The following PARP8 variants were observed in gnomAD, a reference collection of about 807,000 sequenced individuals.
PARP8 encodes protein mono-ADP-ribosyltransferase PARP8.
In PARP8, 51 loss-of-function variants were observed where a neutral mutation model predicts 124.1. The ratio of observed to expected loss-of-function variants is 0.41; its 90% CI spans 0.33 to 0.52. The LOEUF (loss-of-function observed/expected upper bound fraction) is 0.52, where lower values mean the gene tolerates loss of function less well. Ranked by LOEUF, PARP8 falls within the 20% of genes least tolerant of loss-of-function variation. PARP8 has a pLI of 0.21. For synonymous variants in PARP8, 391 were observed against 361.5 expected (o/e 1.08, Z -0.93); for missense variants, 860 against 1,018.9 (o/e 0.84, Z 2.12).
intron 2 of PARP8, among the ~76,000 whole-genome samples, chr5:50,683,123 T>G (rs10940472): frequency 0.85 from 128,680 of 152,058 alleles, 54,816 homozygotes; most frequent in East Asian, 0.96. Flanking sequence ...GTTCCCATGG[T>G]TAATGCAGCA....
chr5:50,742,875 A>G (rs1292713595), intron 2 of PARP8, among the ~76,000 whole-genome samples: 2 of 152,220 alleles, frequency 1.3e-5, no homozygotes, highest in African/African-American at 2.4e-5. Context: ...TAGGCGCTGC[A>G]CATTGAAGGA....
chr5:50,779,633 G>A (rs1302548110), intron 9 of PARP8, among the ~76,000 whole-genome samples: 1 of 152,164 alleles, frequency 6.6e-6, no homozygotes, highest in Admixed American at 6.5e-5. Flanking sequence ...GTCTTTCATT[G>A]TATTCTGTTG....
chr5:50,825,483 G>A (rs1746240618), intron 18 of PARP8, among the ~76,000 whole-genome samples: 1 of 152,166 alleles, frequency 6.6e-6, no homozygotes, highest in South Asian at 2.1e-4. Flanking sequence ...TGAGCCTGGT[G>A]AGGGATGTAG....
At chr5:50,673,380 T>C (rs1167620464) in intron 2 of PARP8, among the ~76,000 whole-genome samples, 1 of 152,224 alleles carries the variant, frequency 6.6e-6, no homozygotes, top group Non-Finnish European at 1.5e-5. Context: ...AAATTTAAAC[T>C]CCATTTTCTT....
At chr5:50,731,763 G>A (rs1343027395) in intron 2 of PARP8, among the ~76,000 whole-genome samples, 3 of 152,124 alleles carry the variant, frequency 2.0e-5, no homozygotes, top group African/African-American at 7.2e-5. Flanking sequence ...AAATATATAG[G>A]TTGGATACAG....
intron 2 of PARP8, among the ~76,000 whole-genome samples, chr5:50,676,160 A>C (rs1750612678): frequency 1.3e-5 from 2 of 152,386 alleles, no homozygotes; most frequent in East Asian, 3.9e-4. Context: ...ACAGATCTGG[A>C]GTATCTCAAA....
chr5:50,827,910 A>G, intron 19 of PARP8, 34 bp from the exon 20 acceptor site: 5 of 1,427,466 alleles, frequency 3.5e-6, no homozygotes, highest in Middle Eastern at 1.8e-4. Flanking sequence ...GTTAAGTTTT[A>G]CATGTTTTTG....
intron 1 of PARP8, 58 bp from the exon 2 acceptor site, chr5:50,668,013 A>T: frequency 6.2e-7 from 1 of 1,610,684 alleles, no homozygotes; most frequent in Non-Finnish European, 8.5e-7. Context: ...TCAAGTCCTG[A>T]TCGGGGTTAA....
At chr5:50,703,279 G>A (rs934429181) in intron 2 of PARP8, among the ~76,000 whole-genome samples, 3 of 148,598 alleles carry the variant, frequency 2.0e-5, no homozygotes, top group Admixed American at 6.7e-5. Context: ...CAGCCTGGGT[G>A]ACGGAGTGAG....
chr5:50,797,385 A>G (rs1046900906), intron 14 of PARP8, 152 bp downstream of exon 14: 1 of 571,486 alleles, frequency 1.7e-6, no homozygotes, highest in African/African-American at 1.9e-5. Flanking sequence ...AAATAGTATT[A>G]CTTCTAAAGT....
At chr5:50,776,901 A>T (rs1740093358) in intron 7 of PARP8, among the ~76,000 whole-genome samples, 1 of 152,190 alleles carries the variant, frequency 6.6e-6, no homozygotes, top group South Asian at 2.1e-4. Context: ...AGTTGGACAT[A>T]TATTCAATTC....
chr5:50,799,107 A>G (rs1343120304), intron 14 of PARP8, among the ~76,000 whole-genome samples: 1 of 152,020 alleles, frequency 6.6e-6, no homozygotes, highest in African/African-American at 2.4e-5. Context: ...TTCTTTTGTT[A>G]CTTGTGTTTT....
At chr5:50,714,332 C>G (rs1037675393) in intron 2 of PARP8, among the ~76,000 whole-genome samples, 21 of 152,032 alleles carry the variant, frequency 1.4e-4, no homozygotes, top group African/African-American at 3.6e-4. Context: ...GAAATTCTAT[C>G]ACTATCTTTC....
intron 10 of PARP8, among the ~76,000 whole-genome samples, chr5:50,793,706 T>G (rs1742214226): frequency 6.6e-6 from 1 of 152,180 alleles, no homozygotes. Flanking sequence ...TTTTATAGCT[T>G]TGCTTTCCTT....
chr5:50,705,528 C>T (rs1280728011), intron 2 of PARP8, among the ~76,000 whole-genome samples: 1 of 152,114 alleles, frequency 6.6e-6, no homozygotes, highest in African/African-American at 2.4e-5. Context: ...TGGCTCACAC[C>T]TGTAATCCCA....
At chr5:50,819,595 C>T (rs1414952457) in intron 15 of PARP8, among the ~76,000 whole-genome samples, 2 of 151,854 alleles carry the variant, frequency 1.3e-5, no homozygotes, top group Non-Finnish European at 2.9e-5. Context: ...CACCTGCCAC[C>T]ATGTCCAGCT....
intron 2 of PARP8, among the ~76,000 whole-genome samples, chr5:50,740,359 A>T (rs746814196): frequency 2.3e-4 from 35 of 152,174 alleles, no homozygotes; most frequent in Non-Finnish European, 3.8e-4. Context: ...AGGAGGGGAG[A>T]GAGAATTCCA....
intron 3 of PARP8, among the ~76,000 whole-genome samples, chr5:50,758,029 G>T (rs34176744): frequency 0.058 from 8,766 of 151,948 alleles, 310 homozygotes; most frequent in East Asian, 0.12. Flanking sequence ...AGTAGCAACC[G>T]ACTTCAAATC....
chr5:50,763,105 C>G (rs753173556), intron 6 of PARP8, 43 bp from the exon 7 acceptor site: 4 of 1,481,370 alleles, frequency 2.7e-6, no homozygotes, highest in Non-Finnish European at 2.8e-6. Flanking sequence ...GTTTTTGATT[C>G]TGTTCACTTC....
Sources: allele counts gnomAD v4.1 joint callset (sites outside exome capture counted in the v4.1 genomes callset), GRCh38; gene constraint gnomAD v4.1.1; transcripts MANE v1.5; gene names NCBI Gene and HGNC (gene_info 2026-07-23, HGNC 2026-07-21).